GPI: variants seen among roughly 807,000 people sequenced by gnomAD.
The protein encoded by GPI is D-hexose-6-phosphate anomerase.
Under a neutral mutation model 75.8 loss-of-function variants are expected in GPI, and 56 were observed. The observed-to-expected ratio is 0.74, with a 90% CI of 0.60 to 0.92. The LOEUF (loss-of-function observed/expected upper bound fraction) is 0.92. GPI is among the 40% of genes least tolerant of loss of function. The pLI is 0.00. For synonymous variants in GPI, 288 were observed against 285.4 expected (o/e 1.01, Z -0.09); for missense variants, 638 against 741.0 (o/e 0.86, Z 1.61).
upstream of GPI, among the ~76,000 whole-genome samples, chr19:34,362,572 C>T (rs979229606): frequency 6.6e-6 from 1 of 152,086 alleles, no homozygotes; most frequent in African/African-American, 2.4e-5. Context: ...AAGGTGAACA[C>T]CCGTAACATC....
upstream of GPI, among the ~76,000 whole-genome samples, chr19:34,364,219 G>A (rs543867688): frequency 9.1e-4 from 138 of 152,014 alleles, 1 homozygote; most frequent in Non-Finnish European, 1.7e-3. Context: ...TTTAGAAGCA[G>A]TGTTTTGCTG....
Position 34,380,985 on chromosome 19 carries a change from G to A in GPI, c.751-481G>A, listed in dbSNP as rs762205921. The A allele has an allele frequency of 2.6e-4, 74 of 279,848 alleles. 1 individual carries two copies. The highest frequency in any genetic ancestry group is 1.3e-3 in the South Asian group (36 of 26,872). The allele number at this position is 279,848 out of a possible 1,614,324, so 17.3% of individuals were successfully genotyped here. ...CCAGAATACCTGATGGCTCCTCAGA[G>A]CTTCCTGGTGCAGTCACCCTCCCAC... On this transcript the variant is annotated intron_variant, in intron 8 of 17. Coordinates refer to ENST00000356487, the MANE Select transcript of GPI (RefSeq NM_000175.5).
intron 9 of GPI, among the ~76,000 whole-genome samples, chr19:34,383,444 G>C (rs753801854): frequency 6.6e-6 from 1 of 152,178 alleles, no homozygotes; most frequent in Non-Finnish European, 1.5e-5. Flanking sequence ...AGGTGTGCAC[G>C]CTGGGATCTC....
rs1351415664 is a variant in GPI, at chr19:34,393,580, C to CT, written c.866-147dup. The CT allele has an allele frequency of 1.3e-6, 1 of 790,208 alleles. No homozygotes were observed. The highest frequency in any genetic ancestry group is 1.7e-5 in the African/African-American group (1 of 58,968). The allele number at this position is 790,208 out of a possible 1,614,324, so 48.9% of individuals were successfully genotyped here. A position where few individuals can be genotyped will look rare whatever the true frequency, so the allele number is the denominator to read the frequency against. ...TCCCTGCACTCAGGGCCACCTCTCA[C>CT]TGGAGGGGCTTTGTCTAGGTCCGAG... On this transcript the variant is annotated intron_variant, in intron 10 of 17. Transcript: ENST00000356487. The surrounding 1 kb of genome is among the most constrained non-coding windows in gnomAD (Gnocchi z 4.4).
At chr19:34,366,921 A>C (rs770969009) in intron 3 of GPI, 70 bp downstream of exon 3, 2 of 1,144,148 alleles carry the variant, frequency 1.7e-6, no homozygotes, top group South Asian at 1.2e-5. Context: ...TGTTAGCCGC[A>C]TCACCCTGTG....
At chr19:34,384,613 T>G (rs1238731606) in intron 9 of GPI, among the ~76,000 whole-genome samples, 1 of 152,182 alleles carries the variant, frequency 6.6e-6, no homozygotes, top group East Asian at 1.9e-4. Context: ...TAGGCTCATC[T>G]AGAAAGACCT....
chr19:34,391,972 G>T, intron 9 of GPI, among the ~76,000 whole-genome samples: 2 of 6,816 alleles, frequency 2.9e-4, no homozygotes, highest in Admixed American at 3.6e-3. Context: ...TGAGGATTTG[G>T]TTCTGTTCAT....
At chr19:34,387,734 T>C (rs1456022855) in intron 9 of GPI, among the ~76,000 whole-genome samples, 1 of 152,208 alleles carries the variant, frequency 6.6e-6, no homozygotes, top group Non-Finnish European at 1.5e-5. Flanking sequence ...GGATCCAGGC[T>C]CAGTTCCACA....
At chr19:34,360,868 C>G (rs1251219833), upstream of GPI, among the ~76,000 whole-genome samples, 1 of 152,086 alleles carries the variant, frequency 6.6e-6, no homozygotes, top group Admixed American at 6.6e-5. Context: ...ACCTCTGCCA[C>G]CCGGGTTCAA....
Position 34,393,308 on chromosome 19 carries a change from GGTGA to G in GPI, c.865+4_865+7del. The G allele has an allele frequency of 6.2e-7, 1 of 1,611,224 alleles. No homozygotes were observed. Among genetic ancestry groups the G allele is most frequent in the South Asian group, 1.1e-5 (1 of 91,030 alleles). ...CGGACTCTCCATTGCCCTGCACGTG[GGTGA>G]GTGTGTTTCTGTGTCTTGCAGCCCC... On this transcript the variant is annotated splice_donor_variant and splice_donor_region_variant and intron_variant, in intron 10 of 17. Coordinates refer to ENST00000356487, the MANE Select transcript of GPI (RefSeq NM_000175.5). LOFTEE classifies it high-confidence loss of function. The surrounding 1 kb of genome is among the most constrained non-coding windows in gnomAD (Gnocchi z 4.4).
chr19:34,361,527 G>A (rs1379300980), upstream of GPI, among the ~76,000 whole-genome samples: 3 of 152,292 alleles, frequency 2.0e-5, no homozygotes, highest in Middle Eastern at 3.4e-3. Flanking sequence ...AGTAGTGGCC[G>A]TGTTGGTAGT....
At position 34,393,922 on chromosome 19, in the gene GPI, C is replaced by G. The variant is rs753851493; in HGVS notation, c.918C>G (p.His306Gln). Residue 306 changes from histidine (H) to glutamine (Q), a missense_variant, in exon 12 of 18, where the codon CAC (histidine) becomes CAG (glutamine). His to Gln is a conservative substitution (Grantham distance 24). Transcript: ENST00000356487. The surrounding 1 kb of genome is among the most constrained non-coding windows in gnomAD (Gnocchi z 4.4). ...LLSGAHWMDQ[H>Q]FRTTPLEKNA... Reference sequence around the variant, plus strand: ...TCCTGCTCCTGTTTCAGGACCAGCACTTCCGCACGACGCCCCTGGAGAAGA... The same window carrying G: ...TCCTGCTCCTGTTTCAGGACCAGCAGTTCCGCACGACGCCCCTGGAGAAGA... 1.9e-6 allele frequency: 3 copies of G among 1,613,774 alleles called. No individual in the cohort carries two copies. The highest frequency in any genetic ancestry group is 2.2e-5 in the East Asian group (1 of 44,858).
intron 4 of GPI, among the ~76,000 whole-genome samples, chr19:34,370,099 C>T (rs535625754): frequency 2.0e-5 from 3 of 152,288 alleles, no homozygotes; most frequent in South Asian, 2.1e-4. Flanking sequence ...AAGCAGTGTC[C>T]GTGTGTCAGT....
intron 9 of GPI, among the ~76,000 whole-genome samples, chr19:34,384,950 C>G (rs1599837977): frequency 6.6e-6 from 1 of 150,436 alleles, no homozygotes; most frequent in Admixed American, 6.6e-5. Flanking sequence ...GGCTGAGGCA[C>G]CAGAATTGCT....
intron 8 of GPI, chr19:34,381,143 A>G: frequency 4.5e-6 from 2 of 441,972 alleles, no homozygotes; most frequent in South Asian, 2.1e-5. Context: ...CTGGTGTCCC[A>G]GGCAGGCCTG....
chr19:34,389,457 CT>C (rs1178315191), intron 9 of GPI, among the ~76,000 whole-genome samples: 3 of 152,214 alleles, frequency 2.0e-5, no homozygotes, highest in East Asian at 1.9e-4. Context: ...ATGCTTCCCC[CT>C]GCCTCAGTGG....
In GPI at chr19:34,393,076, G is replaced by C. The variant is rs1331333792; in HGVS notation, c.805-172G>C. ...TGGTCAGTCATCTGTAGTCTGCCCT[G>C]TTGGTCTTCCCATGTGTTGCCAGCA... On this transcript the variant is annotated intron_variant, in intron 9 of 17. Transcript: ENST00000356487. The surrounding 1 kb of genome is among the most constrained non-coding windows in gnomAD (Gnocchi z 4.4). 1 of 674,238 alleles carries C rather than the reference G, an allele frequency of 1.5e-6. No individual in the cohort carries two copies. The highest frequency in any genetic ancestry group is 1.8e-5 in the African/African-American group (1 of 56,656). The allele number at this position is 674,238 out of a possible 1,614,324, so 41.8% of individuals were successfully genotyped here.
rs1417032122 is a variant in GPI at position 34,377,833 on chromosome 19, C to G, written c.585C>G (p.Thr195=). 3 of 1,614,146 alleles carry G rather than the reference C, an allele frequency of 1.9e-6. No individual in the cohort carries two copies. The highest frequency in any genetic ancestry group is 3.3e-5 in the Admixed American group (2 of 60,020). ...TTGATGGAACTCACATTGCCAAAACCCTGGCCCAGCTGAACCCCGAGTCCT... is the reference window on the plus strand; with the variant it reads ...TTGATGGAACTCACATTGCCAAAACGCTGGCCCAGCTGAACCCCGAGTCCT... ...SNIDGTHIAK[T]LAQLNPESSL... The change falls in exon 6 of 18, where the codon ACC becomes ACG. Residue 195 remains threonine, a synonymous_variant. Coordinates refer to ENST00000356487, the MANE Select transcript of GPI (RefSeq NM_000175.5).
Position 34,399,973 on chromosome 19 carries a change from C to A in GPI, c.1614C>A (p.His538Gln), listed in dbSNP as rs537943038. ...ATGGCAGTGCTCAAGTGACCTCTCA[C>A]GACGCTTCTACCAATGGGCTCATCA... ...ELDGSAQVTSHDASTNGLINF... is the reference protein window; with the variant it reads ...ELDGSAQVTSQDASTNGLINF... The change falls in exon 18 of 18, where the codon CAC (histidine) becomes CAA (glutamine). Residue 538 changes from histidine to glutamine, a missense_variant. Transcript: ENST00000356487. The A allele has an allele frequency of 3.1e-6, 5 of 1,613,866 alleles. No homozygotes were observed. The highest frequency in any genetic ancestry group is 4.2e-6 in the Non-Finnish European group (5 of 1,179,940).
Sources: allele counts gnomAD v4.1 joint callset (sites outside exome capture counted in the v4.1 genomes callset), GRCh38; gene constraint gnomAD v4.1.1; non-coding constraint Gnocchi (gnomAD v3.1); transcripts MANE v1.5; gene names NCBI Gene and HGNC (gene_info 2026-07-23, HGNC 2026-07-21).